COL25A1: variants seen among roughly 807,000 people sequenced by gnomAD.
COL25A1 encodes the protein collagen alpha-1(XXV) chain.
Under a neutral mutation model 128.4 loss-of-function variants are expected in COL25A1, and 103 were observed. The observed-to-expected ratio is 0.80, with a 90% CI of 0.68 to 0.94. COL25A1 has a LOEUF of 0.94. Among genes scored for constraint, COL25A1 ranks in the 40% least tolerant of loss-of-function variants. The pLI, the probability that COL25A1 is intolerant of heterozygous loss-of-function variation, is 0.00. For missense variants in COL25A1, 745 were observed against 840.0 expected (o/e 0.89, Z 1.40); for synonymous variants, 279 against 277.2 (o/e 1.01, Z -0.06).
At chr4:108,987,541 A>G (rs1260585557) in intron 6 of COL25A1, among the ~76,000 whole-genome samples, 1 of 151,760 alleles carries the variant, frequency 6.6e-6, no homozygotes, top group Non-Finnish European at 1.5e-5. Context: ...TGCCTGGCTA[A>G]TTTTTTGTAT....
At chr4:108,998,861 G>C (rs1579033745) in intron 6 of COL25A1, among the ~76,000 whole-genome samples, 1 of 152,140 alleles carries the variant, frequency 6.6e-6, no homozygotes, top group East Asian at 1.9e-4. Context: ...ACAAGCAATG[G>C]GGAAAGGATT....
chr4:109,222,059 CTTTTTTTTTT>C (rs3041336), intron 3 of COL25A1, among the ~76,000 whole-genome samples: 3 of 85,764 alleles, frequency 3.5e-5, no homozygotes, highest in African/African-American at 1.0e-4. Context: ...TAAATAACTT[CTTTTTTTTTT>C]TTTTTTTTTT....
chr4:108,913,538 G>A (rs554751166), intron 13 of COL25A1, among the ~76,000 whole-genome samples: 88 of 152,164 alleles, frequency 5.8e-4, no homozygotes, highest in African/African-American at 1.8e-3. Flanking sequence ...GATTATAGGC[G>A]TGAGACACCG....
chr4:108,977,240 A>T (rs954789208), intron 6 of COL25A1, among the ~76,000 whole-genome samples: 1 of 152,214 alleles, frequency 6.6e-6, no homozygotes, highest in Admixed American at 6.5e-5. Flanking sequence ...AGGAGGAGTG[A>T]GGAGGGGCAG....
chr4:109,151,207 A>G (rs1219655250), intron 3 of COL25A1, among the ~76,000 whole-genome samples: 1 of 152,066 alleles, frequency 6.6e-6, no homozygotes, highest in Non-Finnish European at 1.5e-5. Context: ...ATTTCCCCTC[A>G]AAAAAATGTA....
At chr4:109,296,064 G>A (rs567357161) in intron 3 of COL25A1, among the ~76,000 whole-genome samples, 161 of 152,122 alleles carry the variant, frequency 1.1e-3, no homozygotes, top group African/African-American at 3.7e-3. Context: ...ATTTTCAGGA[G>A]AAAAGTAGAA....
At chr4:109,254,074 G>A (rs1419765731) in intron 3 of COL25A1, among the ~76,000 whole-genome samples, 6 of 148,772 alleles carry the variant, frequency 4.0e-5, no homozygotes, top group South Asian at 2.1e-4. Context: ...GCGACAGTGC[G>A]AGACTCCGTC....
intron 3 of COL25A1, among the ~76,000 whole-genome samples, chr4:109,201,741 A>G (rs1776572778): frequency 6.6e-6 from 1 of 152,318 alleles, no homozygotes; most frequent in South Asian, 2.1e-4. Flanking sequence ...AGAAAATCTG[A>G]AAAATCAACA....
intron 3 of COL25A1, among the ~76,000 whole-genome samples, chr4:109,225,465 C>G (rs1372242070): frequency 6.6e-6 from 1 of 152,168 alleles, no homozygotes; most frequent in Non-Finnish European, 1.5e-5. Flanking sequence ...CAGATGTTGA[C>G]GAGGATGCGG....
chr4:108,990,529 C>A (rs1178832333), intron 6 of COL25A1, among the ~76,000 whole-genome samples: 2 of 151,782 alleles, frequency 1.3e-5, no homozygotes, highest in African/African-American at 2.4e-5. Context: ...TCCATTATTT[C>A]TTAACTTTAA....
intron 8 of COL25A1, among the ~76,000 whole-genome samples, chr4:108,949,937 TG>T (rs1364640038): frequency 6.6e-6 from 1 of 152,196 alleles, no homozygotes; most frequent in African/African-American, 2.4e-5. Flanking sequence ...AGGCAATATT[TG>T]GACATTGGGA....
chr4:109,107,736 A>C (rs1766579279), intron 3 of COL25A1, among the ~76,000 whole-genome samples: 1 of 152,116 alleles, frequency 6.6e-6, no homozygotes, highest in Non-Finnish European at 1.5e-5. Flanking sequence ...TCATTCTAAC[A>C]AATACCAGAA....
At position 108,983,763 on chromosome 4, in the gene COL25A1, G is replaced by C. The variant is rs145221075; in HGVS notation, c.439-9204C>G. On this transcript the variant is annotated intron_variant, in intron 6 of 37. Transcript: ENST00000399132. ...TAAGGCGGTGCGTCTGGAGTTGCTC[G>C]TTCCTCCCTGTGGGTTCGTGGTCTC... 8.0e-3 allele frequency among the ~76,000 whole-genome samples: 1,219 copies of C among 151,660 alleles called. 10 individuals are homozygous for C. The highest frequency in any genetic ancestry group is 0.028 in the African/African-American group (1,140 of 41,304).
In COL25A1 at chr4:108,889,741, G is replaced by A. The variant is rs773307491; in HGVS notation, c.907-8C>T. The stretch of plus-strand genomic sequence containing the variant: ...AGATGATCCAGGGTCACCCTAAAAC[G>A]AAACCCAGGAGAGATTATCTCACAA... On this transcript the variant is annotated splice_region_variant and splice_polypyrimidine_tract_variant and intron_variant, in intron 16 of 37. Transcript: ENST00000399132. 27 of 1,612,496 alleles carry A rather than the reference G, an allele frequency of 1.7e-5. No homozygotes were observed. Among genetic ancestry groups the A allele is most frequent in the Middle Eastern group, 1.7e-4 (1 of 6,056 alleles).
At chr4:109,171,303 C>G (rs897961663) in intron 3 of COL25A1, among the ~76,000 whole-genome samples, 7 of 152,182 alleles carry the variant, frequency 4.6e-5, no homozygotes, top group African/African-American at 1.7e-4. Flanking sequence ...CTGAATAATT[C>G]TGACTCACCT....
chr4:109,197,448 TATTATATATAAATATTATA>T (rs1776176432), intron 3 of COL25A1, among the ~76,000 whole-genome samples: 1 of 120,224 alleles, frequency 8.3e-6, no homozygotes, highest in Non-Finnish European at 1.7e-5. Flanking sequence ...ATATTATATA[TATTATATATAAATATTATA>T]TATAATATAT....
At chr4:109,144,680 A>G (rs1173285274) in intron 3 of COL25A1, among the ~76,000 whole-genome samples, 2 of 152,174 alleles carry the variant, frequency 1.3e-5, no homozygotes, top group Non-Finnish European at 2.9e-5. Flanking sequence ...AAAGTATTCC[A>G]TTTACCAACT....
At chr4:108,986,280 G>A (rs1045198774) in intron 6 of COL25A1, among the ~76,000 whole-genome samples, 1 of 152,128 alleles carries the variant, frequency 6.6e-6, no homozygotes, top group Non-Finnish European at 1.5e-5. Flanking sequence ...GGCCCATTTT[G>A]TAATCTACAA....
chr4:109,215,566 C>T (rs980541888), intron 3 of COL25A1, among the ~76,000 whole-genome samples: 13 of 152,052 alleles, frequency 8.5e-5, no homozygotes, highest in Non-Finnish European at 1.6e-4. Context: ...ACTAATTAGA[C>T]TATATTCTGT....
Sources: gnomAD v4.1 joint callset for allele counts (sites outside exome capture counted in the v4.1 genomes callset) on GRCh38, gnomAD v4.1.1 for gene constraint, MANE v1.5 for transcripts, NCBI Gene and HGNC (gene_info 2026-07-23, HGNC 2026-07-21) for gene names.